The following FAM117A variants were observed in gnomAD, a reference collection of about 807,000 sequenced individuals.
FAM117A encodes family with sequence similarity 117 member A.
FAM117A carries 21 observed loss-of-function variants against 44.1 expected under a neutral mutation model. The observed-to-expected ratio is 0.48, with a 90% CI of 0.34 to 0.69. The LOEUF (loss-of-function observed/expected upper bound fraction) is 0.69, where lower values mean the gene tolerates loss of function less well. FAM117A is among the 30% of genes least tolerant of loss of function. The pLI is 0.01. For missense variants in FAM117A, 498 were observed against 589.9 expected (o/e 0.84, Z 1.61); for synonymous variants, 220 against 238.3 (o/e 0.92, Z 0.71).
intron 1 of FAM117A, among the ~76,000 whole-genome samples, chr17:49,749,300 A>G (rs554179768): frequency 5.9e-5 from 9 of 152,222 alleles, no homozygotes; most frequent in East Asian, 3.9e-4. Flanking sequence ...AATGAAGGCC[A>G]GGCGCAGTGG....
At chr17:49,785,259 C>T (rs2073802343) in intron 1 of FAM117A, among the ~76,000 whole-genome samples, 1 of 152,184 alleles carries the variant, frequency 6.6e-6, no homozygotes, top group African/African-American at 2.4e-5. Context: ...TGCCTGTAAT[C>T]CCAGTGCTTT....
rs1178229663 is a variant in FAM117A, at chr17:49,719,836, T to C, written c.632A>G (p.His211Arg). 1 of 1,608,532 alleles carries C rather than the reference T, an allele frequency of 6.2e-7. No homozygotes were observed. Among genetic ancestry groups the C allele is most frequent in the Non-Finnish European group, 8.5e-7 (1 of 1,177,984 alleles). The change falls in exon 5 of 8, where the codon CAC becomes CGC. Residue 211 changes from histidine (H) to arginine (R), a missense_variant. By Grantham distance (29) the His-to-Arg change is conservative. Coordinates refer to ENST00000240364, the MANE Select transcript of FAM117A (RefSeq NM_030802.4). ...TTGGTTGAGCCCTTCCAGGCTCCTG[T>C]GCAGGCAGGGGCTGAGTCGCAAGAC... ...SPVLRLSPCL[H>R]RSLEGLNQEL... is the part of the protein sequence containing the mutation.
chr17:49,751,279 CAA>C (rs746063068), intron 1 of FAM117A, among the ~76,000 whole-genome samples: 24 of 42,540 alleles, frequency 5.6e-4, no homozygotes, highest in Admixed American at 7.4e-4. Flanking sequence ...AATCTGTCTC[CAA>C]AAAAAAAAAA....
intron 1 of FAM117A, among the ~76,000 whole-genome samples, chr17:49,769,168 G>A (rs1165934120): frequency 2.6e-5 from 4 of 152,048 alleles, no homozygotes; most frequent in Admixed American, 6.5e-5. Flanking sequence ...GGTGGCACGC[G>A]CCTGTAGTCC....
intron 1 of FAM117A, among the ~76,000 whole-genome samples, chr17:49,777,786 T>C (rs954119206): frequency 6.6e-6 from 1 of 152,054 alleles, no homozygotes; most frequent in African/African-American, 2.4e-5. Context: ...CAGGCACTGG[T>C]TGCCCTGAGA....
intron 2 of FAM117A, among the ~76,000 whole-genome samples, chr17:49,724,162 G>T (rs989761199): frequency 5.3e-5 from 8 of 152,092 alleles, no homozygotes; most frequent in African/African-American, 1.7e-4. Flanking sequence ...GAAAAGTGAG[G>T]AGGAAGCCCA....
At chr17:49,785,347 A>G (rs1310150062) in intron 1 of FAM117A, among the ~76,000 whole-genome samples, 1 of 152,164 alleles carries the variant, frequency 6.6e-6, no homozygotes, top group East Asian at 1.9e-4. Flanking sequence ...CCTCATCTCT[A>G]CAAATAATTT....
upstream of FAM117A, chr17:49,788,679 G>T (rs2073838451): frequency 3.9e-6 from 3 of 768,028 alleles, no homozygotes; most frequent in African/African-American, 5.5e-5. Context: ...CGCGGCGCCT[G>T]CGCAGAACGC....
chr17:49,737,440 G>C (rs2073615327), intron 1 of FAM117A, among the ~76,000 whole-genome samples: 2 of 152,180 alleles, frequency 1.3e-5, no homozygotes, highest in African/African-American at 4.8e-5. Context: ...AGGCAGATGG[G>C]CCACGGACGA....
At chr17:49,747,781 C>A (rs1314788666) in intron 1 of FAM117A, among the ~76,000 whole-genome samples, 2 of 152,128 alleles carry the variant, frequency 1.3e-5, no homozygotes, top group Non-Finnish European at 2.9e-5. Flanking sequence ...TGGCAAATTC[C>A]CATGCTGAGC....
intron 1 of FAM117A, among the ~76,000 whole-genome samples, chr17:49,737,376 G>A (rs746078787): frequency 2.0e-5 from 3 of 152,182 alleles, no homozygotes; most frequent in Non-Finnish European, 2.9e-5. Flanking sequence ...GTCCAGTGAC[G>A]AGGCAGGGAC....
At chr17:49,740,943 G>C (rs1324128152) in intron 1 of FAM117A, among the ~76,000 whole-genome samples, 2 of 152,140 alleles carry the variant, frequency 1.3e-5, no homozygotes, top group Non-Finnish European at 2.9e-5. Context: ...TAGACTGTGG[G>C]GTAGAGGCTT....
intron 2 of FAM117A, among the ~76,000 whole-genome samples, chr17:49,727,942 A>T (rs1466343669): frequency 2.0e-5 from 3 of 152,184 alleles, no homozygotes; most frequent in Non-Finnish European, 4.4e-5. Flanking sequence ...CCACGTGTTC[A>T]ACTGAAATTC....
At chr17:49,769,662 G>A (rs1344835169) in intron 1 of FAM117A, among the ~76,000 whole-genome samples, 3 of 151,964 alleles carry the variant, frequency 2.0e-5, no homozygotes, top group African/African-American at 7.3e-5. Context: ...CTGAGATCGC[G>A]CCACTGCACT....
At chr17:49,766,963 T>C (rs909026215), upstream of FAM117A, among the ~76,000 whole-genome samples, 40 of 151,976 alleles carry the variant, frequency 2.6e-4, no homozygotes, top group Non-Finnish European at 4.7e-4. Context: ...AAAGAGGCAG[T>C]GGAGGTGGTA....
upstream of FAM117A, among the ~76,000 whole-genome samples, chr17:49,768,320 C>T (rs2073751165): frequency 6.6e-6 from 1 of 152,122 alleles, no homozygotes; most frequent in Non-Finnish European, 1.5e-5. Context: ...CCACCCTGTG[C>T]CTCCATTTAT....
At chr17:49,716,895 T>G (rs1380875446) in intron 6 of FAM117A, among the ~76,000 whole-genome samples, 3 of 152,218 alleles carry the variant, frequency 2.0e-5, no homozygotes, top group Non-Finnish European at 4.4e-5. Context: ...TTTACCCATG[T>G]GTATTGTTAG....
At chr17:49,721,189 C>A (rs1345758293) in intron 3 of FAM117A, among the ~76,000 whole-genome samples, 3 of 152,196 alleles carry the variant, frequency 2.0e-5, no homozygotes, top group African/African-American at 4.8e-5. Context: ...TATTGGATTT[C>A]ATCTTGACTT....
In FAM117A at chr17:49,754,262, C is replaced by T. The variant is rs534185401; in HGVS notation, c.196+9630G>A. 5.3e-5 allele frequency among the ~76,000 whole-genome samples: 8 copies of T among 152,180 alleles called. 1 individual carries two copies. The highest frequency in any genetic ancestry group is 1.9e-4 in the African/African-American group (8 of 41,530). ...TGCACGTGTTATCAGGAGTGGTTTT[C>T]CCAAAGCCACGTGGGCGACCAGACA... is the stretch of plus-strand genomic sequence containing the variant. On this transcript the variant is annotated intron_variant, in intron 1 of 7. Transcript: ENST00000240364.
Sources: allele counts gnomAD v4.1 joint callset (sites outside exome capture counted in the v4.1 genomes callset), GRCh38; gene constraint gnomAD v4.1.1; transcripts MANE v1.5; gene names NCBI Gene and HGNC (gene_info 2026-07-23, HGNC 2026-07-21).